Variants in FILIP1L observed in about 807,000 individuals in gnomAD.
FILIP1L encodes filamin A-interacting protein 1-like.
In FILIP1L, 55 loss-of-function variants were observed where a neutral mutation model predicts 96.6. That is an observed-to-expected ratio of 0.57 (90% CI 0.46 to 0.71). The LOEUF is 0.71. Among genes scored for constraint, FILIP1L ranks in the 30% least tolerant of loss-of-function variants. The pLI, the probability that FILIP1L is intolerant of heterozygous loss-of-function variation, is 0.00. For missense variants in FILIP1L, 1,304 were observed against 1,321.2 expected (o/e 0.99, Z 0.20); for synonymous variants, 467 against 473.9 (o/e 0.99, Z 0.19).
chr3:99,921,866 A>G (rs559194386), intron 4 of FILIP1L, among the ~76,000 whole-genome samples: 71 of 152,212 alleles, frequency 4.7e-4, no homozygotes, highest in African/African-American at 1.6e-3. Context: ...CATGGCCTTT[A>G]TCCCCACTGA....
At chr3:99,848,103 C>A in intron 5 of FILIP1L, 192 bp downstream of exon 5, 1 of 1,428,478 alleles carries the variant, frequency 7.0e-7, no homozygotes, top group Non-Finnish European at 9.2e-7. Flanking sequence ...TAAGTGCACA[C>A]TCGATATGAC....
chr3:99,937,634 T>C (rs2107671852), intron 1 of FILIP1L, among the ~76,000 whole-genome samples: 1 of 152,298 alleles, frequency 6.6e-6, no homozygotes, highest in East Asian at 1.9e-4. Flanking sequence ...AGGGCCCCTG[T>C]TGTTAATGTG....
intron 4 of FILIP1L, among the ~76,000 whole-genome samples, chr3:99,878,477 A>T (rs1437636400): frequency 6.6e-6 from 1 of 152,260 alleles, no homozygotes; most frequent in East Asian, 1.9e-4. Context: ...TCTTACATAT[A>T]TAGCCTTCTT....
At chr3:99,915,709 T>G (rs1434064931) in intron 4 of FILIP1L, among the ~76,000 whole-genome samples, 2 of 152,168 alleles carry the variant, frequency 1.3e-5, no homozygotes, top group African/African-American at 4.8e-5. Context: ...CATTCAGCAA[T>G]TCTCCTACAC....
chr3:99,845,009 G>A (rs1326205361), intron 5 of FILIP1L, among the ~76,000 whole-genome samples: 1 of 152,114 alleles, frequency 6.6e-6, no homozygotes, highest in Non-Finnish European at 1.5e-5. Flanking sequence ...CTTTATAGCA[G>A]TATAAAAATG....
intron 4 of FILIP1L, among the ~76,000 whole-genome samples, chr3:99,851,768 T>C (rs942108610): frequency 8.5e-5 from 13 of 152,250 alleles, no homozygotes; most frequent in African/African-American, 2.9e-4. Context: ...ACTTCACTGA[T>C]AGACCTCTGT....
chr3:100,089,992 C>A (rs1281495188), intron 1 of FILIP1L, among the ~76,000 whole-genome samples: 1 of 152,194 alleles, frequency 6.6e-6, no homozygotes, highest in Admixed American at 6.5e-5. Flanking sequence ...CTTCCCTACT[C>A]CCCCGCAACT....
chr3:99,871,725 C>T (rs945272580), intron 4 of FILIP1L, among the ~76,000 whole-genome samples: 3 of 152,156 alleles, frequency 2.0e-5, no homozygotes, highest in African/African-American at 7.2e-5. Context: ...AATAGAAGGT[C>T]ATTTGTCAAG....
At chr3:100,077,509 T>C (rs1274546179) in intron 1 of FILIP1L, among the ~76,000 whole-genome samples, 1 of 152,094 alleles carries the variant, frequency 6.6e-6, no homozygotes, top group Admixed American at 6.5e-5. Context: ...ATAAGGAGGA[T>C]TTAAGGAAAT....
At chr3:99,854,753 T>C (rs1943875380) in intron 4 of FILIP1L, among the ~76,000 whole-genome samples, 1 of 152,216 alleles carries the variant, frequency 6.6e-6, no homozygotes, top group Non-Finnish European at 1.5e-5. Context: ...TGTGTGTATG[T>C]CAGTCTGTCA....
intron 1 of FILIP1L, among the ~76,000 whole-genome samples, chr3:99,953,345 A>C (rs1039598069): frequency 1.3e-5 from 2 of 152,128 alleles, no homozygotes; most frequent in Non-Finnish European, 2.9e-5. Flanking sequence ...AATTCTAAGG[A>C]AGTAGAATTT....
At chr3:100,036,362 T>C (rs1219821800) in intron 1 of FILIP1L, among the ~76,000 whole-genome samples, 1 of 152,064 alleles carries the variant, frequency 6.6e-6, no homozygotes, top group East Asian at 1.9e-4. Context: ...TGTTAGGAAG[T>C]CTCAAAAAAT....
intron 4 of FILIP1L, among the ~76,000 whole-genome samples, chr3:99,851,924 G>A (rs989968561): frequency 6.6e-6 from 1 of 152,184 alleles, no homozygotes; most frequent in Non-Finnish European, 1.5e-5. Flanking sequence ...TTTGAGAAGA[G>A]CATGCGGTTT....
At chr3:100,019,267 G>A (rs1399185267) in intron 1 of FILIP1L, among the ~76,000 whole-genome samples, 1 of 152,190 alleles carries the variant, frequency 6.6e-6, no homozygotes, top group Admixed American at 6.5e-5. Flanking sequence ...GGCTGAGGCA[G>A]GAGGATCTCT....
chr3:99,904,681 C>T (rs1576561740), intron 4 of FILIP1L, among the ~76,000 whole-genome samples: 1 of 151,932 alleles, frequency 6.6e-6, no homozygotes, highest in East Asian at 1.9e-4. Context: ...TAGATTCATG[C>T]TAATTTTACC....
intron 4 of FILIP1L, among the ~76,000 whole-genome samples, chr3:99,901,636 TA>T (rs1706441183): frequency 6.6e-6 from 1 of 152,232 alleles, no homozygotes; most frequent in Non-Finnish European, 1.5e-5. Context: ...ATGTGTATTC[TA>T]AAGCTAAATA....
intron 1 of FILIP1L, among the ~76,000 whole-genome samples, chr3:99,965,133 A>G (rs914980149): frequency 2.6e-5 from 4 of 152,238 alleles, no homozygotes; most frequent in Non-Finnish European, 5.9e-5. Context: ...ATGTTTTCTG[A>G]AGCAATGTTA....
intron 5 of FILIP1L, 86 bp downstream of exon 5, chr3:99,848,209 A>T: frequency 6.4e-7 from 1 of 1,569,328 alleles, no homozygotes; most frequent in African/African-American, 1.3e-5. Flanking sequence ...ATATGGAGGG[A>T]TGATTAAAAA....
intron 4 of FILIP1L, among the ~76,000 whole-genome samples, chr3:99,854,892 A>G (rs769131812): frequency 9.2e-5 from 14 of 152,098 alleles, no homozygotes; most frequent in African/African-American, 2.4e-4. Flanking sequence ...TTCTTTACCA[A>G]TGCTTCTCAC....
Sources: gnomAD v4.1 joint callset for allele counts (sites outside exome capture counted in the v4.1 genomes callset) on GRCh38, gnomAD v4.1.1 for gene constraint, MANE v1.5 for transcripts, NCBI Gene and HGNC (gene_info 2026-07-23, HGNC 2026-07-21) for gene names.